TNRC6B: variants seen among roughly 807,000 people sequenced by gnomAD.
The protein encoded by TNRC6B is trinucleotide repeat-containing gene 6B protein.
Under a neutral mutation model 203.6 loss-of-function variants are expected in TNRC6B, and 52 were observed. The observed-to-expected ratio is 0.26, with a 90% CI of 0.20 to 0.32. The LOEUF is 0.32. Ranked by LOEUF, TNRC6B falls within the 10% of genes least tolerant of loss-of-function variation. TNRC6B has a pLI of 1.00. For synonymous variants in TNRC6B, 838 were observed against 845.7 expected, an observed-to-expected ratio of 0.99 and a Z score of 0.16; for missense variants, 1,923 against 2,286.2, an observed-to-expected ratio of 0.84 and a Z score of 3.24.
At chr22:40,301,788 A>G (rs1423282699) in intron 15 of TNRC6B, among the ~76,000 whole-genome samples, 1 of 152,164 alleles carries the variant, frequency 6.6e-6, no homozygotes, top group Non-Finnish European at 1.5e-5. Flanking sequence ...AGCATCCCCT[A>G]ATCTAAAAAT....
chr22:40,255,926 C>A (rs1231039422), intron 3 of TNRC6B, among the ~76,000 whole-genome samples: 1 of 152,166 alleles, frequency 6.6e-6, no homozygotes, highest in East Asian at 1.9e-4. Flanking sequence ...GATCTTGGCT[C>A]ACTGCAACCT....
At chr22:40,215,146 G>A (rs2069618489) in intron 1 of TNRC6B, among the ~76,000 whole-genome samples, 1 of 151,784 alleles carries the variant, frequency 6.6e-6, no homozygotes, top group African/African-American at 2.4e-5. Context: ...ACTTTAATTG[G>A]TGTCACTTTT....
intron 19 of TNRC6B, among the ~76,000 whole-genome samples, chr22:40,314,192 C>A (rs967008998): frequency 6.6e-6 from 1 of 152,186 alleles, no homozygotes; most frequent in African/African-American, 2.4e-5. Context: ...TCCCCACCCC[C>A]AAAAGTGTCT....
intron 3 of TNRC6B, 94 bp downstream of exon 3, chr22:40,251,294 A>C (rs2070189000): frequency 1.3e-5 from 13 of 991,022 alleles, no homozygotes; most frequent in Non-Finnish European, 1.9e-5. Context: ...CTGAAAAGAG[A>C]GTGGGCGTAG....
rs137911942 is a variant in TNRC6B at position 40,249,039 on chromosome 22, G to A, written c.94-2140G>A. 1.2e-4 allele frequency among the ~76,000 whole-genome samples: 18 copies of A among 152,298 alleles called. No homozygotes were observed. In the East Asian group the frequency reaches 3.3e-3, roughly 28 times the overall value. On this transcript the variant is annotated intron_variant, in intron 2 of 22. Transcript: ENST00000454349. ...TATGATGCAAAGAATCGTGGAGAAC[G>A]TGCCAGAGATCTATCATGTGGTCAG...
rs2071461034 is a variant in TNRC6B at position 40,331,138 on chromosome 22, G to A, written c.*7897G>A. On this transcript the variant is annotated 3_prime_UTR_variant, in exon 23 of 23. Transcript: ENST00000454349. The stretch of plus-strand genomic sequence containing the variant: ...CATTTTCCAGCTTCTGCCGTGTGCA[G>A]AGCGGGCAGCACGCTTTTACCCTTT... The A allele has an allele frequency of 1.3e-5, 2 of 152,656 alleles. No homozygotes were observed. The highest frequency in any genetic ancestry group is 4.8e-5 in the African/African-American group (2 of 41,438). 9.5% of individuals were successfully genotyped at this position (152,656 alleles called of 1,614,324 possible). A position where few individuals can be genotyped will look rare whatever the true frequency, so the allele number is the denominator to read the frequency against.
chr22:40,100,903 G>A (rs2068234333), intron 1 of TNRC6B, among the ~76,000 whole-genome samples: 1 of 152,090 alleles, frequency 6.6e-6, no homozygotes, highest in South Asian at 2.1e-4. Flanking sequence ...TTGATAGGGT[G>A]GTTTGGAGAT....
At chr22:40,317,765 A>C (rs912787927) in intron 21 of TNRC6B, among the ~76,000 whole-genome samples, 10 of 152,220 alleles carry the variant, frequency 6.6e-5, no homozygotes, top group Admixed American at 2.6e-4. Context: ...AGGTATTTGC[A>C]GAAGCATTAT....
intron 6 of TNRC6B, among the ~76,000 whole-genome samples, chr22:40,271,952 T>G (rs765551792): frequency 2.7e-5 from 4 of 149,466 alleles, no homozygotes; most frequent in Non-Finnish European, 4.4e-5. Context: ...AGACCTCTCT[T>G]ATCTTTTCTG....
chr22:40,126,383 A>T (rs1046996591), intron 3 of TNRC6B, among the ~76,000 whole-genome samples: 2 of 151,620 alleles, frequency 1.3e-5, no homozygotes, highest in African/African-American at 4.8e-5. Flanking sequence ...TTGTCTTTGA[A>T]CCCTTGTTCC....
At chr22:40,089,971 A>T (rs1274491858) in intron 1 of TNRC6B, among the ~76,000 whole-genome samples, 1 of 152,126 alleles carries the variant, frequency 6.6e-6, no homozygotes, top group Non-Finnish European at 1.5e-5. Flanking sequence ...TTCACTTGGT[A>T]GTATGTATTT....
intron 1 of TNRC6B, among the ~76,000 whole-genome samples, chr22:40,206,616 G>A (rs5995835): frequency 0.38 from 58,255 of 152,012 alleles, 15,709 homozygotes; most frequent in African/African-American, 0.77. Flanking sequence ...AAAGAGAAAT[G>A]ACAGGAACAA....
intron 20 of TNRC6B, 64 bp downstream of exon 20, chr22:40,315,571 T>C: frequency 6.5e-7 from 1 of 1,527,124 alleles, no homozygotes; most frequent in African/African-American, 1.4e-5. Flanking sequence ...TTAACACAGA[T>C]GGTGAAGACA....
intron 1 of TNRC6B, among the ~76,000 whole-genome samples, chr22:40,105,137 A>C (rs2068272228): frequency 6.6e-6 from 1 of 152,218 alleles, no homozygotes; most frequent in Non-Finnish European, 1.5e-5. Context: ...GGTGGTAAGG[A>C]ATGAGACTAG....
intron 1 of TNRC6B, among the ~76,000 whole-genome samples, chr22:40,235,729 C>T (rs900032746): frequency 6.6e-6 from 1 of 152,114 alleles, no homozygotes; most frequent in Non-Finnish European, 1.5e-5. Flanking sequence ...TCTGTCTATT[C>T]CTGCTATACT....
chr22:40,239,636 G>C (rs1041764858), intron 1 of TNRC6B, among the ~76,000 whole-genome samples: 3 of 152,160 alleles, frequency 2.0e-5, no homozygotes, highest in African/African-American at 7.2e-5. Flanking sequence ...GAATGGCTTT[G>C]AATGCCAATT....
At chr22:40,086,664 A>G (rs975978404) in intron 1 of TNRC6B, among the ~76,000 whole-genome samples, 1 of 152,246 alleles carries the variant, frequency 6.6e-6, no homozygotes, top group Non-Finnish European at 1.5e-5. Flanking sequence ...TGTAGAGTTC[A>G]AAAGATGTCT....
chr22:40,076,389 C>T (rs1279733774), intron 1 of TNRC6B, among the ~76,000 whole-genome samples: 1 of 152,196 alleles, frequency 6.6e-6, no homozygotes, highest in African/African-American at 2.4e-5. Flanking sequence ...CCACAGATTT[C>T]TTCTAGTAGA....
chr22:40,296,867 A>T (rs1017529562), intron 12 of TNRC6B, among the ~76,000 whole-genome samples: 1 of 151,798 alleles, frequency 6.6e-6, no homozygotes, highest in Non-Finnish European at 1.5e-5. Flanking sequence ...GCCTCAAGTG[A>T]TCTCCGCCCG....
Sources: gnomAD v4.1 joint callset for allele counts (sites outside exome capture counted in the v4.1 genomes callset) on GRCh38, gnomAD v4.1.1 for gene constraint, MANE v1.5 for transcripts, NCBI Gene and HGNC (gene_info 2026-07-23, HGNC 2026-07-21) for gene names.